The following ZNF285 variants were observed in gnomAD, a reference collection of about 807,000 sequenced individuals.
ZNF285 encodes the protein zinc finger protein 285, also known as zinc finger protein 285A.
ZNF285 carries 4 observed loss-of-function variants against 6.2 expected under a neutral mutation model. The observed-to-expected ratio is 0.65, with a 90% CI of 0.32 to 1.49. The LOEUF (loss-of-function observed/expected upper bound fraction) is 1.49. Among genes scored for constraint, ZNF285 ranks in the 40% most tolerant of loss-of-function variants. The pLI, the probability that ZNF285 is intolerant of heterozygous loss-of-function variation, is 0.07. For synonymous variants in ZNF285, 240 were observed against 245.8 expected (o/e 0.98, Z 0.22); for missense variants, 695 against 708.8 (o/e 0.98, Z 0.22).
intron 3 of ZNF285, among the ~76,000 whole-genome samples, chr19:44,391,230 C>A (rs1971190094): frequency 6.6e-6 from 1 of 151,948 alleles, no homozygotes; most frequent in Admixed American, 6.5e-5. Flanking sequence ...CTTTCACCTT[C>A]CACCATGATT....
At position 44,395,596 on chromosome 19, in the gene ZNF285, T is replaced by C. The variant is rs550398494; in HGVS notation, c.15+1603A>G. Among the ~76,000 whole-genome samples, 51 of 152,292 alleles carry C rather than the reference T, an allele frequency of 3.3e-4. 1 individual carries two copies. The highest frequency in any genetic ancestry group is 9.6e-4 in the African/African-American group (40 of 41,532). ...ATAATACCAAATAATTATTGATTAT[T>C]TCATTAGTCCATTTTTAAGGAAATA... is the stretch of plus-strand genomic sequence containing the variant. On this transcript the variant is annotated intron_variant, in intron 2 of 3. Transcript: ENST00000614994.
At chr19:44,390,989 A>G (rs1971184831) in intron 3 of ZNF285, among the ~76,000 whole-genome samples, 1 of 151,838 alleles carries the variant, frequency 6.6e-6, no homozygotes, top group Admixed American at 6.6e-5. Context: ...TCCCATCTCT[A>G]CTAATAATAC....
chr19:44,386,913 G>C lies in ZNF285; in HGVS notation c.1332C>G (p.His444Gln), dbSNP rs754482521. ...GKGFSQCTHL[H>Q]IHQRVHTGEK... ...CCCCTGTGTGGACTCTCTGGTGAAT[G>C]TGAAGGTGTGTACATTGGCTGAAGC... The change falls in exon 4 of 4, where the codon CAC (histidine) becomes CAG (glutamine). Residue 444 changes from histidine to glutamine, a missense_variant. Coordinates refer to ENST00000614994, the MANE Select transcript of ZNF285 (RefSeq NM_152354.6). 2 of 1,614,086 alleles carry C rather than the reference G, an allele frequency of 1.2e-6. No individual in the cohort carries two copies. The highest frequency in any genetic ancestry group is 1.7e-6 in the Non-Finnish European group (2 of 1,180,000).
chr19:44,399,019 A>T (rs1798954092), intron 1 of ZNF285, among the ~76,000 whole-genome samples: 4 of 152,100 alleles, frequency 2.6e-5, no homozygotes. Context: ...TTAAAGCCCA[A>T]TTGTTATTAT....
chr19:44,395,756 T>A (rs1971270196), intron 2 of ZNF285, among the ~76,000 whole-genome samples: 1 of 152,120 alleles, frequency 6.6e-6, no homozygotes, highest in African/African-American at 2.4e-5. Flanking sequence ...GTGTAACTTA[T>A]TCTGGCTACC....
chr19:44,398,244 G>A (rs1324997417), intron 1 of ZNF285, among the ~76,000 whole-genome samples: 15 of 152,068 alleles, frequency 9.9e-5, no homozygotes, highest in Admixed American at 9.8e-4. Flanking sequence ...CAGACTGCAG[G>A]TAGACCAAAG....
chr19:44,398,064 C>T (rs554134520), intron 1 of ZNF285, among the ~76,000 whole-genome samples: 5 of 151,728 alleles, frequency 3.3e-5, no homozygotes, highest in Non-Finnish European at 5.9e-5. Context: ...TTATGTTAAT[C>T]AATAATACAA....
chr19:44,400,489 A>C (rs1294666172), intron 1 of ZNF285, among the ~76,000 whole-genome samples: 1 of 152,166 alleles, frequency 6.6e-6, no homozygotes, highest in African/African-American at 2.4e-5. Flanking sequence ...TATATTTGCT[A>C]ATGTGCTTTA....
Position 44,397,244 on chromosome 19 carries a change from T to C in ZNF285, c.-31A>G, listed in dbSNP as rs760579626. On this transcript the variant is annotated 5_prime_UTR_variant, in exon 2 of 4. Coordinates refer to ENST00000614994, the MANE Select transcript of ZNF285 (RefSeq NM_152354.6). ...CTTCCTTTTGGAAAGGGCAGGATTC[T>C]GGAAAAGCAGAACTGCAAAGAAGAA... 6.2e-7 allele frequency: 1 copy of C among 1,613,932 alleles called. No homozygotes were observed. Among genetic ancestry groups the C allele is most frequent in the South Asian group, 1.1e-5 (1 of 91,080 alleles).
At position 44,397,217 on chromosome 19, in the gene ZNF285, G is replaced by A. The variant is rs767380662; in HGVS notation, c.-4C>T. On this transcript the variant is annotated 5_prime_UTR_variant, in exon 2 of 4. In the 5' UTR this introduces an upstream ATG that the reference lacks. Transcript: ENST00000614994. ...AACTTACCTGGAACTTAATCATACC[G>A]TCTTCCTTTTGGAAAGGGCAGGATT... 63 of 1,613,760 alleles carry A rather than the reference G, an allele frequency of 3.9e-5. 1 individual carries two copies. The highest frequency in any genetic ancestry group is 2.3e-4 in the African/African-American group (17 of 74,862).
Position 44,386,950 on chromosome 19 carries a change from TCAC to T in ZNF285, c.1292_1294del (p.Gly431del), listed in dbSNP as rs749929825. The T allele has an allele frequency of 1.4e-5, 22 of 1,614,010 alleles. No homozygotes were observed. In the African/African-American group the frequency reaches 2.7e-4, roughly 20 times the overall value. On this transcript the variant is annotated inframe_deletion, in exon 4 of 4. Transcript: ENST00000614994. The stretch of plus-strand genomic sequence containing the variant: ...ACATTGGCTGAAGCCCTTTCCACAC[TCAC>T]CACACCTATATGGTTTCTCCCCTGT...
intron 2 of ZNF285, among the ~76,000 whole-genome samples, chr19:44,394,052 T>G (rs1018781071): frequency 2.6e-5 from 4 of 152,072 alleles, no homozygotes; most frequent in African/African-American, 9.7e-5. Context: ...AAATGTGGCA[T>G]ATATACACCA....
rs768425355 is a variant in ZNF285 at position 44,388,122 on chromosome 19, T to G, written c.143-20A>C. 1.1e-5 allele frequency: 17 copies of G among 1,599,806 alleles called. No homozygotes were observed. Among genetic ancestry groups the G allele is most frequent in the Non-Finnish European group, 8.5e-6 (10 of 1,173,178 alleles). ...CGTCTCCTAGGAGAAGAAAGAGAAT[T>G]TGGCTAAGAGAACAAGTCAATCATC... is the stretch of plus-strand genomic sequence containing the variant. On this transcript the variant is annotated intron_variant, in intron 3 of 3. Coordinates refer to ENST00000614994, the MANE Select transcript of ZNF285 (RefSeq NM_152354.6).
At position 44,388,066 on chromosome 19, in the gene ZNF285, G is replaced by C. The variant is rs117953191; in HGVS notation, c.179C>G (p.Ala60Gly). The C allele has an allele frequency of 6.2e-7, 1 of 1,613,702 alleles. No individual in the cohort carries two copies. The highest frequency in any genetic ancestry group is 8.5e-7 in the Non-Finnish European group (1 of 1,179,876). Residue 60 changes from alanine (A) to glycine (G), a missense_variant, in exon 4 of 4, where the codon GCA becomes GGA. Physicochemically the swap from Ala to Gly is moderately conservative, Grantham distance 60. Coordinates refer to ENST00000614994, the MANE Select transcript of ZNF285 (RefSeq NM_152354.6). ...TTGCGAAAGGTAACTTAACCCCTTT[G>C]CCTGAAGATTCAAAATGTTGTTTTT... Reference protein sequence around the residue: ...GIKNNILNLQAKGLSYLSQEV... With the variant: ...GIKNNILNLQGKGLSYLSQEV...
intron 3 of ZNF285, chr19:44,392,078 G>C (rs894581839): frequency 1.1e-5 from 11 of 971,866 alleles, no homozygotes; most frequent in Non-Finnish European, 1.2e-5. Flanking sequence ...GTGTGAGTAG[G>C]GGAGGGAGGG....
chr19:44,398,328 G>A (rs1175850543), intron 1 of ZNF285, among the ~76,000 whole-genome samples: 1 of 151,406 alleles, frequency 6.6e-6, no homozygotes, highest in African/African-American at 2.4e-5. Flanking sequence ...TTATATCAGT[G>A]GATTCCCTTG....
rs779402878 is a variant in ZNF285 at position 44,386,779 on chromosome 19, C to T, written c.1466G>A (p.Cys489Tyr). The T allele has an allele frequency of 3.7e-6, 6 of 1,614,222 alleles. No individual in the cohort carries two copies. The highest frequency in any genetic ancestry group is 1.1e-5 in the South Asian group (1 of 91,086). The change falls in exon 4 of 4, where the codon TGT (cysteine) becomes TAT (tyrosine). Residue 489 changes from cysteine to tyrosine, a missense_variant. Coordinates refer to ENST00000614994, the MANE Select transcript of ZNF285 (RefSeq NM_152354.6). ...TGEKPYKCEV[C>Y]GKCFSYSSYF... The stretch of plus-strand genomic sequence containing the variant: ...TGAACTGTAACTGAAGCACTTTCCA[C>T]ACACTTCACATTTATATGGTTTTTC...
intron 2 of ZNF285, among the ~76,000 whole-genome samples, chr19:44,393,456 C>T (rs568902369): frequency 5.6e-4 from 86 of 152,272 alleles, no homozygotes; most frequent in African/African-American, 2.0e-3. Context: ...TCATATCCTT[C>T]ACCCACTTTT....
intron 1 of ZNF285, among the ~76,000 whole-genome samples, chr19:44,399,691 AC>A (rs1971344218): frequency 1.3e-5 from 2 of 151,486 alleles, no homozygotes; most frequent in African/African-American, 4.9e-5. Context: ...TTCAGACACT[AC>A]CTGCCTGTAT....
Sources: allele counts gnomAD v4.1 joint callset (sites outside exome capture counted in the v4.1 genomes callset), GRCh38; gene constraint gnomAD v4.1.1; transcripts MANE v1.5; gene names NCBI Gene and HGNC (gene_info 2026-07-23, HGNC 2026-07-21).